SH3RF2: variants seen among roughly 807,000 people sequenced by gnomAD.
SH3RF2 encodes the protein E3 ubiquitin-protein ligase SH3RF2.
Under a neutral mutation model 59.0 loss-of-function variants are expected in SH3RF2, and 43 were observed. The observed-to-expected ratio is 0.73, with a 90% CI of 0.57 to 0.94. The LOEUF is 0.94. SH3RF2 is among the 40% of genes least tolerant of loss of function. SH3RF2 has a pLI of 0.00. For missense variants in SH3RF2, 930 were observed against 940.1 expected (o/e 0.99, Z 0.14); for synonymous variants, 391 against 391.5 (o/e 1.00, Z 0.01).
intron 5 of SH3RF2, among the ~76,000 whole-genome samples, chr5:146,033,893 A>G (rs985364850): frequency 9.2e-5 from 14 of 152,156 alleles, no homozygotes; most frequent in Non-Finnish European, 1.9e-4. Flanking sequence ...ATATATCCCC[A>G]TTGTTTGTTG....
In SH3RF2 at chr5:146,000,162, T is replaced by C. The variant is rs182905248; in HGVS notation, c.483T>C (p.Asn161=). 733 of 1,613,852 alleles carry C rather than the reference T, an allele frequency of 4.5e-4. 7 individuals carry two copies. In the East Asian group the frequency reaches 0.016, roughly 35 times the overall value. The change falls in exon 3 of 10, where the codon AAT becomes AAC. Residue 161 remains asparagine (N), a synonymous_variant. Transcript: ENST00000359120. The part of the protein sequence containing the change: ...IILLRRQLDE[N]WYQGEINGIS... ...TTCTCCGGAGACAGCTTGATGAGAA[T>C]TGGTACCAGGGGGAAATCAATGGCA...
chr5:146,022,667 G>A (rs1410659890), intron 5 of SH3RF2, among the ~76,000 whole-genome samples: 1 of 152,098 alleles, frequency 6.6e-6, no homozygotes, highest in Non-Finnish European at 1.5e-5. Context: ...GAGGTCAGGA[G>A]TTCAAGACCA....
intron 9 of SH3RF2, among the ~76,000 whole-genome samples, chr5:146,072,331 T>C (rs566487549): frequency 5.3e-5 from 8 of 152,156 alleles, no homozygotes; most frequent in Admixed American, 1.3e-4. Context: ...GTTTGCAGGA[T>C]GACATGGGCT....
At chr5:146,015,482 A>C (rs1353442548) in intron 5 of SH3RF2, among the ~76,000 whole-genome samples, 1 of 152,144 alleles carries the variant, frequency 6.6e-6, no homozygotes, top group East Asian at 1.9e-4. Flanking sequence ...ACACACTCTA[A>C]AATGGGAGCC....
Position 146,060,137 on chromosome 5 carries a change from C to T in SH3RF2, c.1827C>T (p.Ile609=). Residue 609 remains isoleucine, a synonymous_variant, in exon 9 of 10, where the codon ATC becomes ATT. Transcript: ENST00000359120. ...SLIMEDKEIP[I]KSEPLPKPPA... is the part of the protein sequence containing the mutation. ...TTATGGAAGACAAAGAAATCCCCAT[C>T]AAGAGTGAGCCTCTGCCAAAACCGC... 6.2e-7 allele frequency: 1 copy of T among 1,614,216 alleles called. No individual in the cohort carries two copies. The highest frequency in any genetic ancestry group is 1.3e-5 in the African/African-American group (1 of 75,058).
intron 2 of SH3RF2, among the ~76,000 whole-genome samples, chr5:145,982,697 A>G (rs1759548846): frequency 6.6e-6 from 1 of 152,226 alleles, no homozygotes; most frequent in South Asian, 2.1e-4. Context: ...CAAAGTTTAC[A>G]GTCAGTGAAG....
downstream of SH3RF2, among the ~76,000 whole-genome samples, chr5:146,066,922 A>G (rs1243049401): frequency 1.3e-5 from 2 of 152,110 alleles, no homozygotes; most frequent in African/African-American, 4.8e-5. Flanking sequence ...TGGTGCTATG[A>G]AAAGTGCTAA....
At chr5:146,036,069 A>G (rs969825686) in intron 5 of SH3RF2, among the ~76,000 whole-genome samples, 4 of 152,288 alleles carry the variant, frequency 2.6e-5, no homozygotes, top group Middle Eastern at 3.4e-3. Context: ...TTTAACCATA[A>G]TTACTGCCAA....
chr5:145,987,631 TTA>T (rs1240500234), intron 2 of SH3RF2, among the ~76,000 whole-genome samples: 1 of 152,194 alleles, frequency 6.6e-6, no homozygotes, highest in Non-Finnish European at 1.5e-5. Context: ...CAGCTTGCAA[TTA>T]TATATTTATG....
chr5:145,969,195 C>T (rs1758974334), intron 2 of SH3RF2, among the ~76,000 whole-genome samples: 1 of 152,118 alleles, frequency 6.6e-6, no homozygotes, highest in Non-Finnish European at 1.5e-5. Flanking sequence ...GAGCTGCACC[C>T]TATAGAGGCT....
At chr5:146,079,309 C>G (rs541295812) in exon 10 of SH3RF2, 1 of 152,210 alleles carries the variant, frequency 6.6e-6, no homozygotes, top group East Asian at 1.9e-4. Context: ...AGACTATAAT[C>G]TAAGATACAA....
chr5:145,974,852 G>T (rs570485798), intron 2 of SH3RF2, among the ~76,000 whole-genome samples: 1 of 152,290 alleles, frequency 6.6e-6, no homozygotes, highest in African/African-American at 2.4e-5. Flanking sequence ...ATGCAAAGTT[G>T]TTCCTAAAAG....
chr5:146,075,901 T>G (rs987954078), intron 9 of SH3RF2, among the ~76,000 whole-genome samples: 1 of 151,652 alleles, frequency 6.6e-6, no homozygotes, highest in Non-Finnish European at 1.5e-5. Context: ...GAGTGCTCAG[T>G]AAACAAAGAA....
At chr5:146,052,753 C>T (rs1048864938) in intron 7 of SH3RF2, among the ~76,000 whole-genome samples, 3 of 152,158 alleles carry the variant, frequency 2.0e-5, no homozygotes, top group Admixed American at 6.5e-5. Context: ...TTCTTAACCA[C>T]CATTTCCTTG....
At chr5:146,019,907 C>T (rs1240456645) in intron 5 of SH3RF2, among the ~76,000 whole-genome samples, 2 of 151,744 alleles carry the variant, frequency 1.3e-5, no homozygotes, top group East Asian at 3.9e-4. Context: ...TGATTCTCAG[C>T]TTGTTTGTTG....
chr5:145,975,145 C>T (rs1282662829), intron 2 of SH3RF2, among the ~76,000 whole-genome samples: 4 of 152,294 alleles, frequency 2.6e-5, no homozygotes, highest in African/African-American at 9.6e-5. Context: ...GCCCAGGCAG[C>T]CAGGCCAGGG....
intron 2 of SH3RF2, among the ~76,000 whole-genome samples, chr5:145,990,553 G>A (rs1392573310): frequency 1.3e-5 from 2 of 152,192 alleles, no homozygotes; most frequent in Non-Finnish European, 2.9e-5. Flanking sequence ...GTTCCTCACA[G>A]AAGGGGATGC....
chr5:146,025,590 G>A (rs944792517), intron 5 of SH3RF2, among the ~76,000 whole-genome samples: 1 of 152,202 alleles, frequency 6.6e-6, no homozygotes, highest in Non-Finnish European at 1.5e-5. Flanking sequence ...GTGTTCTGAA[G>A]AGAAAAGGAA....
intron 5 of SH3RF2, among the ~76,000 whole-genome samples, chr5:146,041,070 A>G (rs543424616): frequency 1.3e-5 from 2 of 152,324 alleles, no homozygotes; most frequent in Admixed American, 1.3e-4. Flanking sequence ...CTCTACAGAA[A>G]GGACTCTGAG....
Sources: allele counts gnomAD v4.1 joint callset (sites outside exome capture counted in the v4.1 genomes callset), GRCh38; gene constraint gnomAD v4.1.1; transcripts MANE v1.5; gene names NCBI Gene and HGNC (gene_info 2026-07-23, HGNC 2026-07-21).